Variants in CDK17 observed in about 807,000 individuals in gnomAD.
CDK17 encodes cyclin dependent kinase 17.
A neutral mutation model predicts 77.6 loss-of-function variants in CDK17; 24 were observed. The observed-to-expected ratio is 0.31, with a 90% confidence interval of 0.22 to 0.44. The LOEUF is 0.44. Ranked by LOEUF, CDK17 falls within the 20% of genes least tolerant of loss-of-function variation. The pLI is 1.00. For synonymous variants in CDK17, 203 were observed against 210.4 expected, an observed-to-expected ratio of 0.96 and a Z score of 0.30; for missense variants, 429 against 622.5, an observed-to-expected ratio of 0.69 and a Z score of 3.31.
At chr12:96,389,097 G>C (rs1954022568) in intron 1 of CDK17, among the ~76,000 whole-genome samples, 1 of 151,324 alleles carries the variant, frequency 6.6e-6, no homozygotes, top group Non-Finnish European at 1.5e-5. Context: ...TGGGTAGCTG[G>C]AACTACAGGC....
chr12:96,323,131 T>C (rs997323502), intron 3 of CDK17, among the ~76,000 whole-genome samples: 4 of 151,910 alleles, frequency 2.6e-5, no homozygotes, highest in Admixed American at 1.3e-4. Context: ...TGAAGTGATT[T>C]TAAAAATCAA....
At chr12:96,385,809 T>G (rs192187920) in intron 1 of CDK17, among the ~76,000 whole-genome samples, 12 of 152,046 alleles carry the variant, frequency 7.9e-5, no homozygotes, top group Admixed American at 2.6e-4. Context: ...ACTGAGACCA[T>G]ACAGATAGGA....
At chr12:96,322,787 C>A (rs1294359861) in intron 3 of CDK17, among the ~76,000 whole-genome samples, 4 of 152,116 alleles carry the variant, frequency 2.6e-5, no homozygotes, top group African/African-American at 9.7e-5. Flanking sequence ...ATTTAGTTTA[C>A]CTATTTGTAA....
intron 7 of CDK17, 89 bp from the exon 8 acceptor site, chr12:96,297,810 T>C: frequency 1.4e-6 from 1 of 721,644 alleles, no homozygotes; most frequent in South Asian, 1.9e-5. Flanking sequence ...ATTAAAAGAT[T>C]CTCTTAAGTT....
chr12:96,309,144 G>A (rs955279068), intron 5 of CDK17, among the ~76,000 whole-genome samples: 3 of 152,124 alleles, frequency 2.0e-5, no homozygotes, highest in Non-Finnish European at 2.9e-5. Flanking sequence ...TGTCCTGTCC[G>A]TTCAAGCCAT....
At chr12:96,293,451 A>G (rs1448834577) in intron 10 of CDK17, among the ~76,000 whole-genome samples, 2 of 152,222 alleles carry the variant, frequency 1.3e-5, no homozygotes, top group African/African-American at 2.4e-5. Flanking sequence ...GATCAAATAT[A>G]CATATCACAA....
At chr12:96,391,682 T>C (rs1324342793) in intron 1 of CDK17, among the ~76,000 whole-genome samples, 2 of 152,188 alleles carry the variant, frequency 1.3e-5, no homozygotes, top group Non-Finnish European at 2.9e-5. Flanking sequence ...CATATTAACA[T>C]TATAATTTTA....
rs201736076 is a variant in CDK17, at chr12:96,301,221, AC to A, written c.544-862del. On this transcript the variant is annotated intron_variant, in intron 5 of 16. Transcript: ENST00000261211. ...GCAATGTAAGTCTAATTCTGGCTAC[AC>A]CCCCCCTCAACACTCGGCCAAAAAA... 3.5e-3 allele frequency among the ~76,000 whole-genome samples: 310 copies of A among 89,130 alleles called. 2 individuals carry two copies. The highest frequency in any genetic ancestry group is 0.013 in the African/African-American group (287 of 21,454). The allele number at this position is 89,130 out of a possible 152,430, so 58.5% of individuals were successfully genotyped here.
At position 96,280,461 on chromosome 12, in the gene CDK17, G is replaced by A. The variant is rs761087847; in HGVS notation, c.1535-182C>T. 13 of 1,417,854 alleles carry A rather than the reference G, an allele frequency of 9.2e-6. No individual in the cohort carries two copies. In the South Asian group the frequency reaches 1.1e-4, roughly 12 times the overall value. The allele number at this position is 1,417,854 out of a possible 1,614,324, so 87.8% of individuals were successfully genotyped here. A position where few individuals can be genotyped will look rare whatever the true frequency, so the allele number is the denominator to read the frequency against. ...GGTCAGTCTACAGCTTCTATGCTTC[G>A]AAGTGATGAACCTGATGACTAGGGA... is the stretch of plus-strand genomic sequence containing the variant. On this transcript the variant is annotated intron_variant, in intron 16 of 16. Transcript: ENST00000261211.
chr12:96,310,835 T>C (rs946045952), intron 5 of CDK17, among the ~76,000 whole-genome samples: 5 of 151,184 alleles, frequency 3.3e-5, no homozygotes, highest in Admixed American at 6.6e-5. Flanking sequence ...AAATAAAATA[T>C]ACCTTAAATC....
intron 2 of CDK17, among the ~76,000 whole-genome samples, chr12:96,331,833 T>A (rs747790431): frequency 6.6e-6 from 1 of 152,144 alleles, no homozygotes; most frequent in Non-Finnish European, 1.5e-5. Flanking sequence ...GCAAGAGTAA[T>A]AGGACTGTGA....
chr12:96,280,942 C>T, intron 15 of CDK17, 57 bp from the exon 16 acceptor site: 2 of 1,347,100 alleles, frequency 1.5e-6, no homozygotes, highest in Non-Finnish European at 2.1e-6. Context: ...ACAAACACAA[C>T]CCTACTATCA....
chr12:96,334,838 C>CTGATA lies in CDK17; in HGVS notation c.-3_-2insTATCA, dbSNP rs771264273. On this transcript the variant is annotated 5_prime_UTR_variant, in exon 2 of 17. Transcript: ENST00000261211. ...TAGCCTTCTCTTAAATTTTTTCATC[C>CTGATA]TATCAATTGAATGTGGCTTGAAAAA... is the stretch of plus-strand genomic sequence containing the variant. The CTGATA allele has an allele frequency of 9.5e-6, 14 of 1,476,394 alleles. No homozygotes were observed. Among genetic ancestry groups the CTGATA allele is most frequent in the Non-Finnish European group, 1.2e-5 (13 of 1,055,310 alleles). The allele number at this position is 1,476,394 out of a possible 1,614,324, so 91.5% of individuals were successfully genotyped here. A position where few individuals can be genotyped will look rare whatever the true frequency, so the allele number is the denominator to read the frequency against.
intron 1 of CDK17, among the ~76,000 whole-genome samples, chr12:96,373,503 G>A (rs562946958): frequency 2.0e-5 from 3 of 152,124 alleles, no homozygotes; most frequent in South Asian, 2.1e-4. Flanking sequence ...CTGAGGCAGG[G>A]GAATCACTTT....
At chr12:96,394,621 C>G (rs962430496) in intron 1 of CDK17, among the ~76,000 whole-genome samples, 1 of 151,940 alleles carries the variant, frequency 6.6e-6, no homozygotes, top group Non-Finnish European at 1.5e-5. Flanking sequence ...TCGAGACCAG[C>G]CTGGCCAACA....
intron 1 of CDK17, among the ~76,000 whole-genome samples, chr12:96,393,442 C>T (rs989579761): frequency 6.8e-6 from 1 of 146,122 alleles, no homozygotes; most frequent in African/African-American, 2.5e-5. Flanking sequence ...ACTTCAGAAT[C>T]AGTAAAAAAT....
At chr12:96,339,370 A>G (rs1953091277) in intron 1 of CDK17, among the ~76,000 whole-genome samples, 1 of 151,786 alleles carries the variant, frequency 6.6e-6, no homozygotes. Context: ...GGGCTGGGGG[A>G]AGGACAGGAA....
chr12:96,307,417 A>C, intron 5 of CDK17, among the ~76,000 whole-genome samples: 1 of 152,202 alleles, frequency 6.6e-6, no homozygotes, highest in Non-Finnish European at 1.5e-5. Flanking sequence ...GATAGCTCCT[A>C]AATGATAGCT....
chr12:96,296,374 G>A (rs987316659), intron 9 of CDK17, among the ~76,000 whole-genome samples: 9 of 152,126 alleles, frequency 5.9e-5, no homozygotes, highest in African/African-American at 4.8e-5. Context: ...GAATATATAT[G>A]GAAGTACATT....
Sources: gnomAD v4.1 joint callset for allele counts (sites outside exome capture counted in the v4.1 genomes callset) on GRCh38, gnomAD v4.1.1 for gene constraint, MANE v1.5 for transcripts, NCBI Gene and HGNC (gene_info 2026-07-23, HGNC 2026-07-21) for gene names.